PRKAR1A: variants seen among roughly 807,000 people sequenced by gnomAD.
PRKAR1A encodes cAMP-dependent protein kinase type I-alpha regulatory subunit.
PRKAR1A carries 3 observed loss-of-function variants against 52.0 expected under a neutral mutation model. The ratio of observed to expected loss-of-function variants is 0.06; its 90% confidence interval spans 0.03 to 0.15. PRKAR1A has a LOEUF of 0.15. Among genes scored for constraint, PRKAR1A ranks in the 10% least tolerant of loss-of-function variants. The pLI, the probability that PRKAR1A is intolerant of heterozygous loss-of-function variation, is 1.00. For missense variants in PRKAR1A, 240 were observed against 477.4 expected (o/e 0.50, Z 4.63); for synonymous variants, 188 against 168.4 (o/e 1.12, Z -0.90).
Position 68,512,492 on chromosome 17 carries a change from C to G in PRKAR1A, c.-63C>G, listed in dbSNP as rs560642049. On this transcript the variant is annotated 5_prime_UTR_variant, in exon 1 of 11. Transcript: ENST00000589228. ...GGCTGGGAGCAAAGCGCTGAGGGAGCTCGGTACGCCGCCGCCTCGCACCCG... is the reference window on the plus strand; with the variant it reads ...GGCTGGGAGCAAAGCGCTGAGGGAGGTCGGTACGCCGCCGCCTCGCACCCG... 6.5e-6 allele frequency: 1 copy of G among 154,236 alleles called. No individual in the cohort carries two copies. The highest frequency in any genetic ancestry group is 1.9e-4 in the South Asian group (1 of 5,154). 9.6% of individuals were successfully genotyped at this position (154,236 alleles called of 1,614,324 possible). A position where few individuals can be genotyped will look rare whatever the true frequency, so the allele number is the denominator to read the frequency against.
At chr17:68,530,256 A>G (rs1219795214) in intron 10 of PRKAR1A, 21 bp from the exon 11 acceptor site, 1 of 1,613,456 alleles carries the variant, frequency 6.2e-7, no homozygotes, top group African/African-American at 1.3e-5. Flanking sequence ...TTAGCCTGTT[A>G]CCCATCTTTG....
intron 1 of PRKAR1A, 183 bp from the exon 2 acceptor site, chr17:68,515,211 C>T (rs1478256716): frequency 1.6e-6 from 1 of 643,980 alleles, no homozygotes. Context: ...GAAACATTTA[C>T]TTGGAATAAT....
chr17:68,542,277 G>T, intron 11 of PRKAR1A: 1 of 1,156,054 alleles, frequency 8.7e-7, no homozygotes, highest in Non-Finnish European at 1.3e-6. Flanking sequence ...CTCACAGCTC[G>T]GGAAGAGAAA....
chr17:68,510,159 C>CAGAGGAGAGAGAGAGAGAGAG (rs1555810693), upstream of PRKAR1A, among the ~76,000 whole-genome samples: 1 of 127,520 alleles, frequency 7.8e-6, no homozygotes, highest in African/African-American at 2.9e-5. Context: ...TATATGTAGA[C>CAGAGGAGAGAGAGAGAGAGAG]AGAGAGAGAG....
the PRKAR1A span, among the ~76,000 whole-genome samples, chr17:68,454,817 C>T: frequency 6.6e-6 from 1 of 152,080 alleles, no homozygotes; most frequent in African/African-American, 2.4e-5. Context: ...AAAGTGACAG[C>T]AATTTAAAGT....
At chr17:68,496,601 G>C in the PRKAR1A span, among the ~76,000 whole-genome samples, 1 of 152,140 alleles carries the variant, frequency 6.6e-6, no homozygotes. Flanking sequence ...GGACGTTCTT[G>C]CAGGGGTCAT....
chr17:68,457,652 C>T, the PRKAR1A span: 3 of 312,762 alleles, frequency 9.6e-6, no homozygotes, highest in African/African-American at 6.7e-5. Context: ...GTCCCGAGGA[C>T]CAGAGCACCT....
chr17:68,492,608 A>G, the PRKAR1A span, among the ~76,000 whole-genome samples: 5 of 152,182 alleles, frequency 3.3e-5, no homozygotes, highest in East Asian at 7.7e-4. Context: ...ATGCAGCGCC[A>G]AAGTGTGTTA....
chr17:68,426,252 G>GGGGGGGGGT, the PRKAR1A span: 6 of 828,184 alleles, frequency 7.2e-6, 1 homozygote, highest in South Asian at 2.7e-5. Context: ...TGGGGAGCGG[G>GGGGGGGGGT]GGCTCAAATA....
the PRKAR1A span, among the ~76,000 whole-genome samples, chr17:68,463,234 A>G: frequency 1.3e-5 from 2 of 152,314 alleles, no homozygotes; most frequent in East Asian, 3.9e-4. Flanking sequence ...GGCTTGAGTG[A>G]TAAGATATGG....
the PRKAR1A span, among the ~76,000 whole-genome samples, chr17:68,483,564 T>TA: frequency 6.6e-6 from 1 of 151,890 alleles, no homozygotes; most frequent in Non-Finnish European, 1.5e-5. Flanking sequence ...ACATCCTTGT[T>TA]AAAAATCAAT....
chr17:68,546,701 G>A (rs568720916), intron 11 of PRKAR1A, among the ~76,000 whole-genome samples: 27 of 151,798 alleles, frequency 1.8e-4, no homozygotes, highest in Non-Finnish European at 3.8e-4. Flanking sequence ...ATGGTGGCCG[G>A]CGCCTGTAGT....
downstream of PRKAR1A, chr17:68,536,704 C>T (rs1303434336): frequency 4.4e-6 from 2 of 453,932 alleles, no homozygotes; most frequent in Admixed American, 2.4e-5. Flanking sequence ...TAGGCCTGTT[C>T]CCATGCCATC....
At chr17:68,508,353 T>C (rs1173899950), upstream of PRKAR1A, among the ~76,000 whole-genome samples, 1 of 152,186 alleles carries the variant, frequency 6.6e-6, no homozygotes, top group Non-Finnish European at 1.5e-5. Context: ...TATTCAGTGA[T>C]AAAAAGAATC....
chr17:68,420,771 T>C, the PRKAR1A span: 1 of 370,066 alleles, frequency 2.7e-6, no homozygotes, highest in African/African-American at 2.1e-5. Context: ...CAAGTTGATT[T>C]TGAGGGTTAA....
At chr17:68,463,342 T>C in the PRKAR1A span, among the ~76,000 whole-genome samples, 2 of 152,340 alleles carry the variant, frequency 1.3e-5, no homozygotes, top group African/African-American at 4.8e-5. Flanking sequence ...CACAGAAGCC[T>C]CCCTCACCAC....
the PRKAR1A span, among the ~76,000 whole-genome samples, chr17:68,473,388 A>T: frequency 2.6e-5 from 4 of 152,232 alleles, no homozygotes. Context: ...CAGAAATTAA[A>T]TAAATAAATA....
chr17:68,541,332 TC>T (rs1165428045), intron 11 of PRKAR1A: 2 of 269,606 alleles, frequency 7.4e-6, no homozygotes, highest in East Asian at 1.8e-4. Flanking sequence ...CATGGGCTGT[TC>T]CTGCCCTTTC....
chr17:68,489,364 G>GTATATATATATATATATGGAAAGTATATA, the PRKAR1A span, among the ~76,000 whole-genome samples: 2 of 47,838 alleles, frequency 4.2e-5, 1 homozygote, highest in Non-Finnish European at 7.8e-5. Context: ...TATATGGAAA[G>GTATATATATATATATATGGAAAGTATATA]TATATATATA....
Sources: allele counts gnomAD v4.1 joint callset (sites outside exome capture counted in the v4.1 genomes callset), GRCh38; gene constraint gnomAD v4.1.1; transcripts MANE v1.5; gene names NCBI Gene and HGNC (gene_info 2026-07-23, HGNC 2026-07-21).